The following MBOAT1 variants were observed in gnomAD, a reference collection of about 807,000 sequenced individuals.
The protein encoded by MBOAT1 is membrane-bound glycerophospholipid O-acyltransferase 1.
In MBOAT1, 67 loss-of-function variants were observed where a neutral mutation model predicts 64.4. The observed-to-expected ratio is 1.04, with a 90% CI of 0.85 to 1.27. The LOEUF is 1.27. Ranked by LOEUF, MBOAT1 falls within the 50% of genes most tolerant of loss-of-function variation. MBOAT1 has a pLI of 0.00. For synonymous variants in MBOAT1, 229 were observed against 218.9 expected, an observed-to-expected ratio of 1.05 and a Z score of -0.41; for missense variants, 563 against 604.6, an observed-to-expected ratio of 0.93 and a Z score of 0.72.
intron 8 of MBOAT1, among the ~76,000 whole-genome samples, chr6:20,120,429 G>T (rs547993533): frequency 3.8e-4 from 58 of 152,210 alleles, no homozygotes; most frequent in African/African-American, 1.2e-3. Context: ...TAACCGCTGG[G>T]ATGACGAAAC....
At chr6:20,152,566 G>A in intron 2 of MBOAT1, 58 bp downstream of exon 2, 2 of 1,540,984 alleles carry the variant, frequency 1.3e-6, no homozygotes, top group South Asian at 1.2e-5. Flanking sequence ...CAATTCCAAG[G>A]ACATTGCCAC....
Position 20,118,534 on chromosome 6 carries a change from G to A in MBOAT1, c.914C>T (p.Ala305Val). 1 of 1,612,700 alleles carries A rather than the reference G, an allele frequency of 6.2e-7. No homozygotes were observed. Among genetic ancestry groups the A allele is most frequent in the Non-Finnish European group, 8.5e-7 (1 of 1,179,332 alleles). Reference protein sequence around the residue: ...KYYFAWTLADAVNNAAGFGFS... With the variant: ...KYYFAWTLADVVNNAAGFGFS... ...CCCAAAGCCAGCTGCGTTATTCACT[G>A]CATCAGCTATGGTTTTTAAAGTAAC... is the stretch of plus-strand genomic sequence containing the variant. The change falls in exon 9 of 13, where the codon GCA becomes GTA. Residue 305 changes from alanine to valine, a missense_variant. By Grantham distance (64) the Ala-to-Val change is moderately conservative (BLOSUM62 0). Coordinates refer to ENST00000324607, the MANE Select transcript of MBOAT1 (RefSeq NM_001080480.3).
chr6:20,112,205 G>A lies in MBOAT1; in HGVS notation c.1209+671C>T, dbSNP rs150450292. Among the ~76,000 whole-genome samples, 762 of 151,868 alleles carry A rather than the reference G, an allele frequency of 5.0e-3. 39 individuals carry two copies. The highest frequency in any genetic ancestry group is 0.045 in the Admixed American group (690 of 15,242). On this transcript the variant is annotated intron_variant, in intron 11 of 12. Transcript: ENST00000324607. Reference sequence around the variant, plus strand: ...TATTTGGCAATGAAAGCACTGAATCGCAATTACTTCTATGCATGTTCGTCT... The same window carrying A: ...TATTTGGCAATGAAAGCACTGAATCACAATTACTTCTATGCATGTTCGTCT...
At chr6:20,191,763 T>A (rs1283324029) in intron 1 of MBOAT1, among the ~76,000 whole-genome samples, 1 of 152,218 alleles carries the variant, frequency 6.6e-6, no homozygotes. Context: ...CAGTCAATTT[T>A]AAAAGGCATA....
At chr6:20,172,535 T>G (rs1762226893) in intron 1 of MBOAT1, among the ~76,000 whole-genome samples, 1 of 152,184 alleles carries the variant, frequency 6.6e-6, no homozygotes, top group Non-Finnish European at 1.5e-5. Flanking sequence ...CTGCCTTGCT[T>G]CCTCAACTCT....
chr6:20,207,514 C>G (rs1181678583), intron 1 of MBOAT1, among the ~76,000 whole-genome samples: 1 of 152,144 alleles, frequency 6.6e-6, no homozygotes, highest in African/African-American at 2.4e-5. Flanking sequence ...AAATCCAGCC[C>G]ACTGCCTGTT....
At chr6:20,139,913 C>T (rs1367790841) in intron 4 of MBOAT1, among the ~76,000 whole-genome samples, 3 of 152,092 alleles carry the variant, frequency 2.0e-5, no homozygotes, top group South Asian at 2.1e-4. Context: ...AGTCTTTGCT[C>T]GCTTCTGTCT....
intron 6 of MBOAT1, among the ~76,000 whole-genome samples, chr6:20,127,369 T>C (rs1172469982): frequency 6.6e-6 from 1 of 152,208 alleles, no homozygotes; most frequent in Non-Finnish European, 1.5e-5. Flanking sequence ...GTCGCCGGAA[T>C]TATCCCCTAT....
In MBOAT1 at chr6:20,128,734, T is replaced by C; in HGVS notation, c.495A>G (p.Glu165=). 1 of 1,610,464 alleles carries C rather than the reference T, an allele frequency of 6.2e-7. No homozygotes were observed. The change falls in exon 6 of 13, where the codon GAA becomes GAG. Residue 165 remains glutamate, a synonymous_variant. Coordinates refer to ENST00000324607, the MANE Select transcript of MBOAT1 (RefSeq NM_001080480.3). The part of the protein sequence containing the change: ...QVHDGLGRRA[E]DLSAEQHRLA... ...GTCGATGTTGTTCAGCAGAAAGGTC[T>C]TCAGCTCTTCGACCTAATCCTATGA... is the stretch of plus-strand genomic sequence containing the variant.
In MBOAT1 at chr6:20,134,898, T is replaced by C. The variant is rs1023383014; in HGVS notation, c.420-3699A>G. Reference sequence around the variant, plus strand: ...TTTATTGGTTTATGATTGGAATTCATGTTCTTTTTTTTTTTTTTTTTTTTT... The same window carrying C: ...TTTATTGGTTTATGATTGGAATTCACGTTCTTTTTTTTTTTTTTTTTTTTT... On this transcript the variant is annotated intron_variant, in intron 4 of 12. Transcript: ENST00000324607. Among the ~76,000 whole-genome samples, 4 of 114,406 alleles carry C rather than the reference T, an allele frequency of 3.5e-5. No individual in the cohort carries two copies. In the East Asian group the frequency reaches 7.5e-4, roughly 22 times the overall value. The allele number at this position is 114,406 out of a possible 152,430, so 75.1% of individuals were successfully genotyped here.
intron 9 of MBOAT1, among the ~76,000 whole-genome samples, chr6:20,117,489 T>G (rs1760362908): frequency 6.6e-6 from 1 of 152,188 alleles, no homozygotes; most frequent in South Asian, 2.1e-4. Flanking sequence ...GTTTTGTAGT[T>G]AAAATGCAGA....
chr6:20,141,436 A>G (rs1378283554), intron 4 of MBOAT1, among the ~76,000 whole-genome samples: 2 of 139,254 alleles, frequency 1.4e-5, no homozygotes, highest in Non-Finnish European at 3.0e-5. Context: ...ATCATAGCTC[A>G]TTGCAGCCCC....
chr6:20,104,942 G>A (rs1190851887), intron 12 of MBOAT1, among the ~76,000 whole-genome samples: 1 of 152,210 alleles, frequency 6.6e-6, no homozygotes, highest in East Asian at 1.9e-4. Flanking sequence ...TGTGAGAATG[G>A]AAACAAGACA....
chr6:20,141,823 G>T (rs56832440), intron 4 of MBOAT1, among the ~76,000 whole-genome samples: 2 of 151,980 alleles, frequency 1.3e-5, no homozygotes, highest in African/African-American at 4.8e-5. Flanking sequence ...GGCAGCGGGC[G>T]GATTCTAGTG....
chr6:20,143,325 G>C (rs1761234026), intron 4 of MBOAT1, among the ~76,000 whole-genome samples: 1 of 152,128 alleles, frequency 6.6e-6, no homozygotes, highest in East Asian at 1.9e-4. Flanking sequence ...AGAATGCGTG[G>C]CCCACCACAT....
intron 12 of MBOAT1, among the ~76,000 whole-genome samples, chr6:20,108,719 T>G (rs1474940558): frequency 5.3e-5 from 8 of 152,266 alleles, no homozygotes; most frequent in African/African-American, 1.9e-4. Flanking sequence ...ACTCATTAAA[T>G]AATACAAGGT....
chr6:20,126,477 C>A, intron 7 of MBOAT1, 40 bp downstream of exon 7: 1 of 1,538,666 alleles, frequency 6.5e-7, no homozygotes. Context: ...AGAGTCAACC[C>A]TGGCAGCAAA....
chr6:20,177,187 G>C (rs751676746), intron 1 of MBOAT1, among the ~76,000 whole-genome samples: 1 of 152,070 alleles, frequency 6.6e-6, no homozygotes, highest in Non-Finnish European at 1.5e-5. Context: ...GCCAGTGCTT[G>C]GCCTTCGATC....
At chr6:20,182,611 T>C (rs574882553) in intron 1 of MBOAT1, among the ~76,000 whole-genome samples, 22 of 151,878 alleles carry the variant, frequency 1.4e-4, no homozygotes, top group Non-Finnish European at 2.8e-4. Context: ...ATGCCTTGGG[T>C]CTGTTCTCTG....
Sources: allele counts gnomAD v4.1 joint callset (sites outside exome capture counted in the v4.1 genomes callset), GRCh38; gene constraint gnomAD v4.1.1; transcripts MANE v1.5; gene names NCBI Gene and HGNC (gene_info 2026-07-23, HGNC 2026-07-21).